Variants in BIK observed in about 807,000 individuals in gnomAD.
BIK encodes the protein bcl-2-interacting killer.
Under a neutral mutation model 12.1 loss-of-function variants are expected in BIK, and 14 were observed. That is an observed-to-expected ratio of 1.16 (90% CI 0.77 to 1.81). The LOEUF (loss-of-function observed/expected upper bound fraction) is 1.81, where lower values mean the gene tolerates loss of function less well. Ranked by LOEUF, BIK falls within the 40% of genes most tolerant of loss-of-function variation. BIK has a pLI of 0.00. For missense variants in BIK, 215 were observed against 207.9 expected, an observed-to-expected ratio of 1.03 and a Z score of -0.21; for synonymous variants, 86 against 92.3, an observed-to-expected ratio of 0.93 and a Z score of 0.39.
chr22:43,122,007 A>C (rs1930229287), intron 1 of BIK, among the ~76,000 whole-genome samples: 1 of 152,232 alleles, frequency 6.6e-6, no homozygotes, highest in Non-Finnish European at 1.5e-5. Context: ...CTGGGATTAC[A>C]GGCGTGAGCC....
At chr22:43,113,317 G>GT (rs1230928880) in intron 1 of BIK, among the ~76,000 whole-genome samples, 1 of 152,166 alleles carries the variant, frequency 6.6e-6, no homozygotes, top group African/African-American at 2.4e-5. Flanking sequence ...AAGTTTGTTT[G>GT]TTTTTTTGAG....
At chr22:43,128,731 G>C in intron 4 of BIK, 106 bp downstream of exon 4, 2 of 1,434,986 alleles carry the variant, frequency 1.4e-6, no homozygotes, top group Non-Finnish European at 1.9e-6. Context: ...ATCATCATCT[G>C]TGTCACCTGT....
chr22:43,126,118 G>A (rs530796312), intron 2 of BIK, among the ~76,000 whole-genome samples: 28 of 150,244 alleles, frequency 1.9e-4, no homozygotes, highest in Middle Eastern at 3.4e-3. Context: ...TCCACCTCCC[G>A]GGTTCAAGTG....
chr22:43,111,188 C>A (rs923738897), intron 1 of BIK, among the ~76,000 whole-genome samples: 2 of 152,314 alleles, frequency 1.3e-5, no homozygotes, highest in African/African-American at 4.8e-5. Context: ...CCGGCCAGAC[C>A]GTAGCGCGGC....
intron 1 of BIK, among the ~76,000 whole-genome samples, chr22:43,120,336 C>T (rs559583799): frequency 2.0e-5 from 3 of 152,312 alleles, no homozygotes; most frequent in South Asian, 2.1e-4. Context: ...TATAGGCGAG[C>T]GCCACCACAC....
chr22:43,117,582 G>A (rs1930140899), intron 1 of BIK, among the ~76,000 whole-genome samples: 1 of 151,426 alleles, frequency 6.6e-6, no homozygotes, highest in South Asian at 2.1e-4. Context: ...GTGTTAGCCA[G>A]GATGCTCTCC....
intron 1 of BIK, among the ~76,000 whole-genome samples, chr22:43,113,941 T>C (rs913030606): frequency 6.6e-5 from 10 of 152,222 alleles, no homozygotes; most frequent in African/African-American, 1.9e-4. Flanking sequence ...ACTGGACACA[T>C]GTGGCCACTT....
chr22:43,127,622 G>T, intron 2 of BIK, 75 bp from the exon 3 acceptor site: 2 of 1,347,140 alleles, frequency 1.5e-6, no homozygotes, highest in Non-Finnish European at 2.0e-6. Flanking sequence ...CACACAATCC[G>T]TTGGCTGGGT....
chr22:43,128,684 G>T, intron 4 of BIK, 59 bp downstream of exon 4: 11 of 1,552,126 alleles, frequency 7.1e-6, no homozygotes, highest in Non-Finnish European at 9.6e-6. Flanking sequence ...GGCTGTCAGA[G>T]CCGCTCCTTG....
intron 1 of BIK, among the ~76,000 whole-genome samples, chr22:43,118,637 C>T (rs1233383867): frequency 6.6e-6 from 1 of 152,110 alleles, no homozygotes; most frequent in African/African-American, 2.4e-5. Flanking sequence ...AAGACTGGAC[C>T]AGGGTTTTCT....
Position 43,129,329 on chromosome 22 carries a change from C to G in BIK, c.*24C>G. 1 of 1,593,424 alleles carries G rather than the reference C, an allele frequency of 6.3e-7. No individual in the cohort carries two copies. Among genetic ancestry groups the G allele is most frequent in the South Asian group, 1.1e-5 (1 of 90,476 alleles). On this transcript the variant is annotated 3_prime_UTR_variant, in exon 5 of 5. Transcript: ENST00000216115. ...GAGGCCCCGGCGGCTCAGGGCGGGGCTGGCCCCACCCCCATGACCACTGCC... is the reference window on the plus strand; with the variant it reads ...GAGGCCCCGGCGGCTCAGGGCGGGGGTGGCCCCACCCCCATGACCACTGCC...
At chr22:43,127,658 G>C in intron 2 of BIK, 39 bp from the exon 3 acceptor site, 2 of 1,525,314 alleles carry the variant, frequency 1.3e-6, no homozygotes, top group African/African-American at 2.7e-5. Context: ...TGGCCTCCAC[G>C]GCACAGCCAC....
intron 4 of BIK, among the ~76,000 whole-genome samples, chr22:43,128,831 G>A (rs368038926): frequency 1.3e-5 from 2 of 152,336 alleles, no homozygotes; most frequent in Non-Finnish European, 1.5e-5. Context: ...GTCTCCCTCT[G>A]GTCCGAGAGC....
chr22:43,111,594 A>G (rs1389858602), intron 1 of BIK, among the ~76,000 whole-genome samples: 1 of 152,062 alleles, frequency 6.6e-6, no homozygotes, highest in Non-Finnish European at 1.5e-5. Flanking sequence ...CTGGCCTCCT[A>G]AATGCGATCG....
At chr22:43,126,775 G>A (rs532052638) in intron 2 of BIK, among the ~76,000 whole-genome samples, 3 of 152,128 alleles carry the variant, frequency 2.0e-5, no homozygotes, top group Non-Finnish European at 4.4e-5. Context: ...AATGGACAAG[G>A]TTGGAGGACA....
At chr22:43,110,950 G>A (rs1239836235) in intron 1 of BIK, 147 bp downstream of exon 1, 1 of 152,176 alleles carries the variant, frequency 6.6e-6, no homozygotes, top group East Asian at 1.9e-4. Context: ...CGCTGGCGGG[G>A]CGACGTCTCG....
chr22:43,120,496 A>G (rs1930199571), intron 1 of BIK, among the ~76,000 whole-genome samples: 1 of 152,218 alleles, frequency 6.6e-6, no homozygotes, highest in African/African-American at 2.4e-5. Flanking sequence ...GGCCAGGTCT[A>G]GGGAGCCGAA....
At chr22:43,113,732 C>G (rs1173736919) in intron 1 of BIK, among the ~76,000 whole-genome samples, 1 of 152,220 alleles carries the variant, frequency 6.6e-6, no homozygotes, top group Non-Finnish European at 1.5e-5. Context: ...TTTCCCCTCT[C>G]CCTGGAAAGC....
Position 43,112,389 on chromosome 22 carries a change from G to A in BIK, c.-8+1586G>A, listed in dbSNP as rs867758737. On this transcript the variant is annotated intron_variant, in intron 1 of 4. Transcript: ENST00000216115. Reference sequence around the variant, plus strand: ...ATTTTTTGTATTTTTAGTAGAGATGGGGTTTCACCATGTTGGCCAAGCTAG... The same window carrying A: ...ATTTTTTGTATTTTTAGTAGAGATGAGGTTTCACCATGTTGGCCAAGCTAG... Among the ~76,000 whole-genome samples the A allele has an allele frequency of 3.3e-5, 5 of 151,912 alleles. No individual in the cohort carries two copies. In the South Asian group the frequency reaches 1.0e-3, roughly 32 times the overall value.
Sources: allele counts gnomAD v4.1 joint callset (sites outside exome capture counted in the v4.1 genomes callset), GRCh38; gene constraint gnomAD v4.1.1; transcripts MANE v1.5; gene names NCBI Gene and HGNC (gene_info 2026-07-23, HGNC 2026-07-21).